The following CD163L1 variants were observed in gnomAD, a reference collection of about 807,000 sequenced individuals.
CD163L1 encodes CD163 molecule like 1.
In CD163L1, 124 loss-of-function variants were observed where a neutral mutation model predicts 165.4. The observed-to-expected ratio is 0.75, with a 90% CI of 0.65 to 0.87. The LOEUF (loss-of-function observed/expected upper bound fraction) is 0.87, where lower values mean the gene tolerates loss of function less well. Among genes scored for constraint, CD163L1 ranks in the 40% least tolerant of loss-of-function variants. The pLI is 0.00. For missense variants in CD163L1, 1,525 were observed against 1,799.9 expected, an observed-to-expected ratio of 0.85 and a Z score of 2.76; for synonymous variants, 585 against 662.2, an observed-to-expected ratio of 0.88 and a Z score of 1.79.
intron 4 of CD163L1, among the ~76,000 whole-genome samples, chr12:7,412,718 G>T (rs1391923578): frequency 1.3e-5 from 2 of 152,084 alleles, no homozygotes; most frequent in African/African-American, 2.4e-5. Context: ...ATGGCAGAAA[G>T]ACCTCATATC....
chr12:7,384,721 A>G (rs908945015), intron 8 of CD163L1, among the ~76,000 whole-genome samples: 3 of 152,124 alleles, frequency 2.0e-5, no homozygotes, highest in Non-Finnish European at 2.9e-5. Context: ...TGAAGGAGAT[A>G]TAAGGTCTTT....
intron 7 of CD163L1, among the ~76,000 whole-genome samples, chr12:7,397,645 G>T (rs1314794699): frequency 6.6e-6 from 1 of 152,120 alleles, no homozygotes; most frequent in African/African-American, 2.4e-5. Flanking sequence ...TGAGATAACT[G>T]CCTTGAAAGG....
chr12:7,363,829 T>C (rs953259724), intron 18 of CD163L1, among the ~76,000 whole-genome samples: 2 of 150,166 alleles, frequency 1.3e-5, no homozygotes, highest in African/African-American at 2.4e-5. Flanking sequence ...CCCCAGGACC[T>C]GATGCTTCAC....
chr12:7,379,337 T>C (rs1358482806), intron 8 of CD163L1, 39 bp from the exon 9 acceptor site: 2 of 1,589,444 alleles, frequency 1.3e-6, no homozygotes. Flanking sequence ...AGAAGCACTC[T>C]ATGTGAGACA....
chr12:7,423,367 T>C (rs933084966), intron 4 of CD163L1, among the ~76,000 whole-genome samples: 3 of 151,766 alleles, frequency 2.0e-5, no homozygotes, highest in African/African-American at 7.3e-5. Context: ...AATGCCCACA[T>C]CAGAAAGCAG....
chr12:7,434,590 A>G (rs891705914), intron 2 of CD163L1, among the ~76,000 whole-genome samples: 1 of 152,040 alleles, frequency 6.6e-6, no homozygotes, highest in Non-Finnish European at 1.5e-5. Flanking sequence ...TATGATGATG[A>G]TGAGAGGGTG....
chr12:7,351,408 G>C (rs1451354790), downstream of CD163L1, among the ~76,000 whole-genome samples: 1 of 152,092 alleles, frequency 6.6e-6, no homozygotes, highest in Non-Finnish European at 1.5e-5. Context: ...TTTCTGGTAA[G>C]GGCTTTCTTT....
intron 13 of CD163L1, 44 bp from the exon 14 acceptor site, chr12:7,373,684 G>T: frequency 6.7e-7 from 1 of 1,495,776 alleles, no homozygotes; most frequent in Non-Finnish European, 9.0e-7. Flanking sequence ...TTCCTTTGGA[G>T]TTGGAAAATC....
At chr12:7,325,281 A>C in the CD163L1 span, among the ~76,000 whole-genome samples, 2 of 152,270 alleles carry the variant, frequency 1.3e-5, no homozygotes, top group African/African-American at 4.8e-5. Flanking sequence ...GCATAGGCAA[A>C]AGCCACAGAT....
the CD163L1 span, among the ~76,000 whole-genome samples, chr12:7,326,637 G>A: frequency 6.6e-6 from 1 of 152,182 alleles, no homozygotes; most frequent in East Asian, 1.9e-4. Context: ...AATGGTATAG[G>A]TTTAATGGAG....
chr12:7,390,484 C>T (rs953794041), intron 8 of CD163L1, among the ~76,000 whole-genome samples: 10 of 151,978 alleles, frequency 6.6e-5, no homozygotes, highest in East Asian at 5.8e-4. Flanking sequence ...CCCATAAATA[C>T]GTACACATAT....
intron 18 of CD163L1, among the ~76,000 whole-genome samples, chr12:7,360,075 T>G (rs929770697): frequency 1.3e-5 from 2 of 152,142 alleles, no homozygotes; most frequent in African/African-American, 4.8e-5. Context: ...CAGCCAATAT[T>G]TCTTTAAAAA....
At position 7,347,255 on chromosome 12, in the gene CD163L1, A is replaced by G. The variant is rs1946676272; in HGVS notation, c.*25-108T>C. 6.6e-6 allele frequency: 1 copy of G among 152,180 alleles called. No individual in the cohort carries two copies. The highest frequency in any genetic ancestry group is 2.4e-5 in the African/African-American group (1 of 41,446). The allele number at this position is 152,180 out of a possible 1,614,324, so 9.4% of individuals were successfully genotyped here. A position where few individuals can be genotyped will look rare whatever the true frequency, so the allele number is the denominator to read the frequency against. On this transcript the variant is annotated intron_variant, in intron 4 of 4. Coordinates refer to the CD163L1 transcript ENST00000539726. This position sits in a 1 kb window ranked among gnomAD's most constrained non-coding sequence, Gnocchi z 4.2. ...TAAAATTGTGTTTACTTAAGTTTAC[A>G]TATCTTTGTTTGTGGGGCACCAACA...
chr12:7,437,959 T>C (rs1023722138), intron 2 of CD163L1, among the ~76,000 whole-genome samples: 1 of 152,080 alleles, frequency 6.6e-6, no homozygotes, highest in Non-Finnish European at 1.5e-5. Flanking sequence ...CAATCATGAC[T>C]ATTTTACTTC....
chr12:7,403,671 A>C lies in CD163L1; in HGVS notation c.1272T>G (p.Pro424=), dbSNP rs1183247374. 6.2e-7 allele frequency: 1 copy of C among 1,613,980 alleles called. No homozygotes were observed. The highest frequency in any genetic ancestry group is 1.3e-5 in the African/African-American group (1 of 74,940). Residue 424 remains proline (P), a synonymous_variant, in exon 6 of 20, where the codon CCT becomes CCG. Transcript: ENST00000313599. ...FSVFGSRRAK[P]SNEARDIWIN... Reference sequence around the variant, plus strand: ...TCCAAATGTCTCTAGCTTCATTACTAGGTTTAGCACGACGACTGCCAAAGA... The same window carrying C: ...TCCAAATGTCTCTAGCTTCATTACTCGGTTTAGCACGACGACTGCCAAAGA...
In CD163L1 at chr12:7,360,088, A is replaced by C. The variant is rs1946860998; in HGVS notation, c.4280-2602T>G. Among the ~76,000 whole-genome samples the C allele has an allele frequency of 1.3e-5, 2 of 152,094 alleles. 1 individual carries two copies. Among genetic ancestry groups the C allele is most frequent in the South Asian group, 4.1e-4 (2 of 4,824 alleles). ...TTCAGCCAATATTTCTTTAAAAAAAATTCCTGCACCATGTCTAACTTCTCT... is the reference window on the plus strand; with the variant it reads ...TTCAGCCAATATTTCTTTAAAAAAACTTCCTGCACCATGTCTAACTTCTCT... On this transcript the variant is annotated intron_variant, in intron 18 of 19. Coordinates refer to ENST00000313599, the MANE Select transcript of CD163L1 (RefSeq NM_174941.6).
intron 1 of CD163L1, among the ~76,000 whole-genome samples, chr12:7,443,085 T>C (rs1423346703): frequency 3.9e-5 from 6 of 152,220 alleles, no homozygotes; most frequent in South Asian, 2.1e-4. Flanking sequence ...ACATGAATTA[T>C]GAAGAACTGT....
the CD163L1 span, among the ~76,000 whole-genome samples, chr12:7,319,497 A>T: frequency 2.0e-3 from 302 of 151,622 alleles, 2 homozygotes; most frequent in African/African-American, 6.7e-3. Context: ...AGGCTGAGGC[A>T]GAGAATTGCT....
chr12:7,406,924 T>A (rs1016698920), intron 4 of CD163L1, 72 bp from the exon 5 acceptor site: 1 of 1,354,488 alleles, frequency 7.4e-7, no homozygotes, highest in Non-Finnish European at 1.0e-6. Flanking sequence ...GATCCTGCTA[T>A]CCAAATAAAC....
Sources: gnomAD v4.1 joint callset for allele counts (sites outside exome capture counted in the v4.1 genomes callset) on GRCh38, gnomAD v4.1.1 for gene constraint, Gnocchi (gnomAD v3.1) non-coding constraint, MANE v1.5 for transcripts, NCBI Gene and HGNC (gene_info 2026-07-23, HGNC 2026-07-21) for gene names.